The following FUT8 variants were observed in gnomAD, a reference collection of about 807,000 sequenced individuals.
FUT8 encodes the protein fucosyltransferase 8, also known as alpha-(1,6)-fucosyltransferase.
FUT8 carries 29 observed loss-of-function variants against 71.3 expected under a neutral mutation model. The observed-to-expected ratio is 0.41, with a 90% CI of 0.30 to 0.55. The LOEUF (loss-of-function observed/expected upper bound fraction) is 0.55. Ranked by LOEUF, FUT8 falls within the 20% of genes least tolerant of loss-of-function variation. FUT8 has a pLI of 0.34. For synonymous variants in FUT8, 254 were observed against 239.3 expected (o/e 1.06, Z -0.57); for missense variants, 544 against 702.1 (o/e 0.77, Z 2.55).
At chr14:65,608,954 A>G (rs1247340126) in intron 3 of FUT8, among the ~76,000 whole-genome samples, 1 of 151,556 alleles carries the variant, frequency 6.6e-6, no homozygotes, top group African/African-American at 2.4e-5. Flanking sequence ...ATGATTTGAT[A>G]CTTTATGTAG....
chr14:65,561,661 A>G lies in FUT8; in HGVS notation c.98A>G (p.Asn33Ser), dbSNP rs748979426. 3.7e-6 allele frequency: 6 copies of G among 1,613,418 alleles called. No individual in the cohort carries two copies. In the Admixed American group the frequency reaches 5.0e-5, roughly 13 times the overall value. The change falls in exon 3 of 11, where the codon AAT (asparagine) becomes AGT (serine). Residue 33 changes from asparagine to serine, a missense_variant. By Grantham distance (46) the Asn-to-Ser change is conservative (BLOSUM62 1). Coordinates refer to ENST00000673929, the MANE Select transcript of FUT8 (RefSeq NM_001371533.1). ...ATAGGTGGTCACTTGGTACGAGATA[A>G]TGACCATCCTGATCACTCTAGCCGA... The part of the protein sequence containing the change: ...FYIGGHLVRD[N>S]DHPDHSSREL...
rs536289195 is a variant in FUT8, at chr14:65,479,353, A to G, written c.-228+23635A>G. 8.5e-5 allele frequency among the ~76,000 whole-genome samples: 13 copies of G among 152,340 alleles called. No individual in the cohort carries two copies. The South Asian group carries it at 2.7e-3, about 32-fold the overall frequency. ...TTTTTTAGGTTGTTGATTCATAGAA[A>G]CAAATCCCCTGCAGAAAGGTTGTAC... On this transcript the variant is annotated intron_variant, in intron 2 of 10. Coordinates refer to ENST00000673929, the MANE Select transcript of FUT8 (RefSeq NM_001371533.1).
At chr14:65,380,460 A>T in the FUT8 span, among the ~76,000 whole-genome samples, 1 of 152,168 alleles carries the variant, frequency 6.6e-6, no homozygotes, top group Non-Finnish European at 1.5e-5. Flanking sequence ...ATGGATAGGG[A>T]TAGAATAATG....
chr14:65,711,593 G>A (rs568129008), intron 7 of FUT8, among the ~76,000 whole-genome samples: 1 of 152,114 alleles, frequency 6.6e-6, no homozygotes, highest in South Asian at 2.1e-4. Flanking sequence ...AAGCACCCCA[G>A]TTTTCCTTAC....
chr14:65,635,278 C>T (rs761379714), intron 6 of FUT8, among the ~76,000 whole-genome samples: 11 of 152,214 alleles, frequency 7.2e-5, no homozygotes, highest in Non-Finnish European at 1.5e-4. Context: ...ATGATCATAT[C>T]GTCAGCAAAC....
At chr14:65,509,698 T>A (rs1882207060) in intron 2 of FUT8, among the ~76,000 whole-genome samples, 1 of 152,174 alleles carries the variant, frequency 6.6e-6, no homozygotes, top group Non-Finnish European at 1.5e-5. Flanking sequence ...TAAATGGGAC[T>A]GCTTTTTAAA....
At chr14:65,671,306 C>A (rs1892467121) in intron 7 of FUT8, among the ~76,000 whole-genome samples, 1 of 152,126 alleles carries the variant, frequency 6.6e-6, no homozygotes, top group Non-Finnish European at 1.5e-5. Flanking sequence ...GATTTTTAAT[C>A]CTTACTTGTA....
chr14:65,628,043 C>A (rs1412139486), intron 5 of FUT8, among the ~76,000 whole-genome samples: 1 of 152,022 alleles, frequency 6.6e-6, no homozygotes, highest in African/African-American at 2.4e-5. Context: ...GTGGGATAAT[C>A]TGGGAAAACC....
At chr14:65,563,791 G>A (rs1886043900) in intron 3 of FUT8, among the ~76,000 whole-genome samples, 1 of 151,980 alleles carries the variant, frequency 6.6e-6, no homozygotes, top group South Asian at 2.1e-4. Context: ...GCTTGCTTTA[G>A]TATGGGTTTT....
At chr14:65,518,400 G>T (rs1882852106) in intron 2 of FUT8, among the ~76,000 whole-genome samples, 1 of 152,088 alleles carries the variant, frequency 6.6e-6, no homozygotes. Flanking sequence ...TCATTACTTT[G>T]TAGGGTGTCC....
At chr14:65,662,170 T>A (rs1194901760) in intron 6 of FUT8, among the ~76,000 whole-genome samples, 1 of 152,104 alleles carries the variant, frequency 6.6e-6, no homozygotes, top group African/African-American at 2.4e-5. Context: ...TCCCAGCACT[T>A]TGGGAGCCTG....
At chr14:65,430,894 G>A (rs1035050584) in intron 1 of FUT8, among the ~76,000 whole-genome samples, 1 of 151,928 alleles carries the variant, frequency 6.6e-6, no homozygotes, top group African/African-American at 2.4e-5. Context: ...AATGAGATGA[G>A]CAATTAATGA....
chr14:65,670,971 TA>T (rs1892447914), intron 7 of FUT8, among the ~76,000 whole-genome samples: 1 of 152,224 alleles, frequency 6.6e-6, no homozygotes, highest in African/African-American at 2.4e-5. Flanking sequence ...GTTTTAAGGT[TA>T]TATCTTCCAC....
chr14:65,643,828 A>G lies in FUT8; in HGVS notation c.597+14222A>G, dbSNP rs190837029. Among the ~76,000 whole-genome samples the G allele has an allele frequency of 2.6e-5, 4 of 152,230 alleles. No individual in the cohort carries two copies. The highest frequency in any genetic ancestry group is 3.9e-4 in the East Asian group (2 of 5,182). ...TGAATATACGTTGAACTTAAATTCA[A>G]ATTTCTTTAATTTAGGTATATCAGC... On this transcript the variant is annotated intron_variant, in intron 6 of 10. Coordinates refer to ENST00000673929, the MANE Select transcript of FUT8 (RefSeq NM_001371533.1). This position sits in a 1 kb window ranked among gnomAD's most constrained non-coding sequence, Gnocchi z 4.5.
intron 3 of FUT8, among the ~76,000 whole-genome samples, chr14:65,569,246 G>A (rs768221089): frequency 6.6e-6 from 1 of 151,534 alleles, no homozygotes; most frequent in African/African-American, 2.4e-5. Context: ...GGGAGTTGAT[G>A]TATTTTATCA....
chr14:65,740,031 T>A (rs1896415045), intron 10 of FUT8, among the ~76,000 whole-genome samples: 1 of 152,070 alleles, frequency 6.6e-6, no homozygotes, highest in Non-Finnish European at 1.5e-5. Flanking sequence ...AATTATTTAG[T>A]TTCTTCTTTT....
At chr14:65,612,275 G>A (rs1384482540) in intron 3 of FUT8, among the ~76,000 whole-genome samples, 1 of 152,112 alleles carries the variant, frequency 6.6e-6, no homozygotes, top group Admixed American at 6.6e-5. Context: ...ATCCTATTTT[G>A]TCTTTTAATA....
chr14:65,391,836 G>A, the FUT8 span, among the ~76,000 whole-genome samples: 3 of 151,248 alleles, frequency 2.0e-5, no homozygotes, highest in African/African-American at 7.3e-5. Flanking sequence ...TGGTCAGGCT[G>A]GTCTCGAACT....
At chr14:65,706,015 G>A (rs1012010107) in intron 7 of FUT8, among the ~76,000 whole-genome samples, 3 of 152,058 alleles carry the variant, frequency 2.0e-5, no homozygotes, top group African/African-American at 4.8e-5. Context: ...CAGCAGAATC[G>A]TCCCCAAAAT....
Sources: gnomAD v4.1 joint callset for allele counts (sites outside exome capture counted in the v4.1 genomes callset) on GRCh38, gnomAD v4.1.1 for gene constraint, Gnocchi (gnomAD v3.1) non-coding constraint, MANE v1.5 for transcripts, NCBI Gene and HGNC (gene_info 2026-07-23, HGNC 2026-07-21) for gene names.